Variants in HS3ST5 observed in about 807,000 individuals in gnomAD.
HS3ST5 encodes heparan sulfate glucosamine 3-O-sulfotransferase 5.
A neutral mutation model predicts 25.4 loss-of-function variants in HS3ST5; 10 were observed. That is an observed-to-expected ratio of 0.39 (90% confidence interval 0.24 to 0.67). HS3ST5 has a LOEUF of 0.67. HS3ST5 is among the 30% of genes least tolerant of loss of function. The pLI is 0.44. For missense variants in HS3ST5, 324 were observed against 420.7 expected (o/e 0.77, Z 2.01); for synonymous variants, 170 against 162.4 (o/e 1.05, Z -0.36).
At chr6:114,221,398 A>G (rs1421771713) in intron 2 of HS3ST5, among the ~76,000 whole-genome samples, 1 of 151,890 alleles carries the variant, frequency 6.6e-6, no homozygotes, top group East Asian at 1.9e-4. Context: ...TCAAGTAACA[A>G]TTTTATCTAA....
At position 114,167,908 on chromosome 6, in the gene HS3ST5, G is replaced by A. The variant is rs141409017; in HGVS notation, c.-33+443C>T. ...TGGGTGACCTTTGAGTTTGTTTGGC[G>A]TTCGAGAGTAAACAGACCTAAAACT... On this transcript the variant is annotated intron_variant, in intron 3 of 4. Transcript: ENST00000312719. Among the ~76,000 whole-genome samples the A allele has an allele frequency of 4.3e-3, 661 of 152,174 alleles. 1 individual carries two copies. The highest frequency in any genetic ancestry group is 0.015 in the African/African-American group (619 of 41,530).
intron 1 of HS3ST5, among the ~76,000 whole-genome samples, chr6:114,341,367 C>T (rs1438182483): frequency 1.3e-5 from 2 of 152,142 alleles, no homozygotes; most frequent in Non-Finnish European, 2.9e-5. Flanking sequence ...GTAGAGGAAA[C>T]CCACCAAGGT....
intron 3 of HS3ST5, among the ~76,000 whole-genome samples, chr6:114,124,051 T>A (rs1776920080): frequency 1.3e-5 from 2 of 152,166 alleles, no homozygotes; most frequent in Admixed American, 6.5e-5. Flanking sequence ...CACCAAGAGG[T>A]ATCTTGCCAT....
At chr6:114,243,363 A>G (rs1280817832) in intron 1 of HS3ST5, among the ~76,000 whole-genome samples, 1 of 152,210 alleles carries the variant, frequency 6.6e-6, no homozygotes, top group Admixed American at 6.5e-5. Flanking sequence ...TCATACTTAA[A>G]ATTCTCCCTT....
At chr6:114,298,713 A>G (rs1774936461) in intron 1 of HS3ST5, among the ~76,000 whole-genome samples, 1 of 152,218 alleles carries the variant, frequency 6.6e-6, no homozygotes, top group Admixed American at 6.5e-5. Context: ...ATGGACATTT[A>G]TTAGTTCCCC....
intron 1 of HS3ST5, among the ~76,000 whole-genome samples, chr6:114,285,847 G>A (rs1280586148): frequency 6.6e-6 from 1 of 151,910 alleles, no homozygotes; most frequent in East Asian, 1.9e-4. Context: ...AAAAATTATA[G>A]TACATTTAAT....
intron 3 of HS3ST5, among the ~76,000 whole-genome samples, chr6:114,095,789 A>G (rs992898433): frequency 6.6e-6 from 1 of 151,960 alleles, no homozygotes; most frequent in Non-Finnish European, 1.5e-5. Context: ...ATCTTACAAT[A>G]TTTTCTACTA....
chr6:114,075,534 G>A (rs1049170127), intron 3 of HS3ST5, among the ~76,000 whole-genome samples: 12 of 152,184 alleles, frequency 7.9e-5, no homozygotes, highest in African/African-American at 2.9e-4. Flanking sequence ...GTGCGTTTAC[G>A]TGGGGCTGTG....
At chr6:114,321,877 C>T (rs2114882655) in intron 1 of HS3ST5, among the ~76,000 whole-genome samples, 2 of 152,156 alleles carry the variant, frequency 1.3e-5, no homozygotes, top group Middle Eastern at 6.8e-3. Context: ...ACACTTTTTG[C>T]TCACTTAATA....
At chr6:114,162,585 C>T (rs1318526524) in intron 3 of HS3ST5, among the ~76,000 whole-genome samples, 1 of 152,194 alleles carries the variant, frequency 6.6e-6, no homozygotes, top group Admixed American at 6.5e-5. Flanking sequence ...CAATGACTCC[C>T]TATCACTTGG....
intron 2 of HS3ST5, among the ~76,000 whole-genome samples, chr6:114,227,544 T>C (rs1771358721): frequency 6.6e-6 from 1 of 151,974 alleles, no homozygotes; most frequent in Non-Finnish European, 1.5e-5. Context: ...AAATGACATA[T>C]AGGAAACAGA....
intron 2 of HS3ST5, among the ~76,000 whole-genome samples, chr6:114,179,889 T>C (rs1779890923): frequency 6.6e-6 from 1 of 151,986 alleles, no homozygotes; most frequent in Admixed American, 6.6e-5. Flanking sequence ...ATACCACTGG[T>C]GTAAGTCCAA....
intron 2 of HS3ST5, among the ~76,000 whole-genome samples, chr6:114,194,573 T>C (rs1780652334): frequency 6.6e-6 from 1 of 152,178 alleles, no homozygotes; most frequent in Non-Finnish European, 1.5e-5. Flanking sequence ...CCAACCAGCA[T>C]TTCTTCTTGA....
chr6:114,342,271 C>A lies in HS3ST5; in HGVS notation c.-415G>T. On this transcript the variant is annotated 5_prime_UTR_variant, in exon 1 of 5. Coordinates refer to ENST00000312719, the MANE Select transcript of HS3ST5 (RefSeq NM_153612.4). ...GGCGGCGGGTCGCGTGGGGGTCACC[C>A]GGCCGCTGCTGCGGTCCGGACGGCA... 6.6e-6 allele frequency: 1 copy of A among 152,304 alleles called. No homozygotes were observed. Among genetic ancestry groups the A allele is most frequent in the South Asian group, 1.8e-4 (1 of 5,594 alleles). The allele number at this position is 152,304 out of a possible 1,614,324, so 9.4% of individuals were successfully genotyped here.
intron 3 of HS3ST5, among the ~76,000 whole-genome samples, chr6:114,126,659 T>C (rs1336455906): frequency 6.6e-6 from 1 of 152,190 alleles, no homozygotes; most frequent in Non-Finnish European, 1.5e-5. Context: ...TATAAACTGA[T>C]TCCCCCTGGG....
chr6:114,057,449 A>G lies in HS3ST5; in HGVS notation c.849T>C (p.Asn283=). The G allele has an allele frequency of 6.2e-7, 1 of 1,614,160 alleles. No individual in the cohort carries two copies. The highest frequency in any genetic ancestry group is 8.5e-7 in the Non-Finnish European group (1 of 1,180,014). The change falls in exon 5 of 5, where the codon AAT becomes AAC. Residue 283 remains asparagine, a synonymous_variant. Transcript: ENST00000312719. ...LNLPPRISQY[N]LYFNATRGFY... Reference sequence around the variant, plus strand: ...ACCCTCTGGTAGCATTGAAGTATAAATTGTATTGACTTATCCTTGGAGGCA... The same window carrying G: ...ACCCTCTGGTAGCATTGAAGTATAAGTTGTATTGACTTATCCTTGGAGGCA...
intron 1 of HS3ST5, among the ~76,000 whole-genome samples, chr6:114,266,901 A>T (rs940430021): frequency 3.9e-5 from 6 of 152,210 alleles, no homozygotes; most frequent in African/African-American, 1.4e-4. Context: ...TTCGATTGCA[A>T]AAAATATGTT....
chr6:114,301,891 G>A (rs574839078), intron 1 of HS3ST5, among the ~76,000 whole-genome samples: 6 of 152,070 alleles, frequency 3.9e-5, no homozygotes, highest in Non-Finnish European at 7.4e-5. Context: ...GGCAACCAAG[G>A]GCTTTTTAAG....
chr6:114,323,673 GA>G (rs1385541086), intron 1 of HS3ST5, among the ~76,000 whole-genome samples: 38 of 152,120 alleles, frequency 2.5e-4, no homozygotes, highest in Non-Finnish European at 4.9e-4. Flanking sequence ...TATGGTATAT[GA>G]TGTGGCATAC....
Sources: gnomAD v4.1 joint callset for allele counts (sites outside exome capture counted in the v4.1 genomes callset) on GRCh38, gnomAD v4.1.1 for gene constraint, MANE v1.5 for transcripts, NCBI Gene and HGNC (gene_info 2026-07-23, HGNC 2026-07-21) for gene names.